Variants in CMC1 observed in about 807,000 individuals in gnomAD.
CMC1 encodes the protein COX assembly mitochondrial protein homolog.
Under a neutral mutation model 14.1 loss-of-function variants are expected in CMC1, and 14 were observed. The observed-to-expected ratio is 0.99, with a 90% CI of 0.66 to 1.55. The LOEUF is 1.55. Among genes scored for constraint, CMC1 ranks in the 40% most tolerant of loss-of-function variants. The pLI is 0.00. For synonymous variants in CMC1, 50 were observed against 38.4 expected (o/e 1.30, Z -1.12); for missense variants, 127 against 123.8 (o/e 1.03, Z -0.12).
At chr3:28,245,243 A>G (rs940153208) in intron 1 of CMC1, among the ~76,000 whole-genome samples, 4 of 152,200 alleles carry the variant, frequency 2.6e-5, no homozygotes, top group African/African-American at 9.7e-5. Flanking sequence ...GAAAAAATGC[A>G]GGTTACATGC....
chr3:28,297,991 C>A (rs1013976022), intron 2 of CMC1, among the ~76,000 whole-genome samples: 2 of 151,780 alleles, frequency 1.3e-5, no homozygotes, highest in African/African-American at 4.8e-5. Context: ...ATAAGAAAAC[C>A]AAACTGAGAT....
intron 2 of CMC1, among the ~76,000 whole-genome samples, chr3:28,268,555 A>G (rs1254832078): frequency 1.3e-5 from 2 of 152,158 alleles, no homozygotes; most frequent in African/African-American, 4.8e-5. Context: ...GTTCAGCATA[A>G]ATCATATTGT....
At chr3:28,271,034 G>A (rs977530546) in intron 2 of CMC1, among the ~76,000 whole-genome samples, 5 of 149,776 alleles carry the variant, frequency 3.3e-5, no homozygotes, top group Admixed American at 2.7e-4. Flanking sequence ...AGGTTCAAGC[G>A]ATTCTCCTGC....
Position 28,292,344 on chromosome 3 carries a change from T to G in CMC1, c.110-23989T>G, listed in dbSNP as rs184496667. Among the ~76,000 whole-genome samples the G allele has an allele frequency of 3.9e-5, 6 of 152,284 alleles. 1 individual carries two copies. The highest frequency in any genetic ancestry group is 8.8e-5 in the Non-Finnish European group (6 of 68,012). On this transcript the variant is annotated intron_variant, in intron 2 of 3. Transcript: ENST00000466830. ...GTTTTACCCAAAACTGTCTTCAATATCTTTTCAATTATTTTATTAGCATGA... is the reference window on the plus strand; with the variant it reads ...GTTTTACCCAAAACTGTCTTCAATAGCTTTTCAATTATTTTATTAGCATGA...
At chr3:28,313,306 A>G (rs553290077) in intron 2 of CMC1, among the ~76,000 whole-genome samples, 1 of 152,256 alleles carries the variant, frequency 6.6e-6, no homozygotes, top group East Asian at 1.9e-4. Context: ...CCTTTGAATA[A>G]CTTTTAACAA....
At chr3:28,271,573 G>C (rs1242462935) in intron 2 of CMC1, among the ~76,000 whole-genome samples, 1 of 152,102 alleles carries the variant, frequency 6.6e-6, no homozygotes, top group Non-Finnish European at 1.5e-5. Flanking sequence ...GTCTGTTTTT[G>C]TACCAGAACC....
At chr3:28,272,289 T>A (rs1252019467) in intron 2 of CMC1, among the ~76,000 whole-genome samples, 1 of 152,178 alleles carries the variant, frequency 6.6e-6, no homozygotes, top group African/African-American at 2.4e-5. Context: ...GGCATCTTTG[T>A]CTTATGTTTG....
At chr3:28,247,017 C>G (rs1361900308) in intron 1 of CMC1, among the ~76,000 whole-genome samples, 1 of 152,012 alleles carries the variant, frequency 6.6e-6, no homozygotes, top group African/African-American at 2.4e-5. Context: ...ATCGTTTGTA[C>G]TCTGTTAATG....
chr3:28,281,135 G>A (rs754286827), intron 2 of CMC1, among the ~76,000 whole-genome samples: 43 of 152,102 alleles, frequency 2.8e-4, no homozygotes, highest in African/African-American at 7.2e-4. Context: ...AACTAATTCC[G>A]TAAATTTATG....
intron 1 of CMC1, among the ~76,000 whole-genome samples, chr3:28,243,137 C>G (rs1227005930): frequency 6.6e-6 from 1 of 152,042 alleles, no homozygotes; most frequent in East Asian, 1.9e-4. Flanking sequence ...CTCACTGTAG[C>G]CTCCGCCTAC....
intron 1 of CMC1, among the ~76,000 whole-genome samples, chr3:28,246,429 AAACCAT>A (rs1396842471): frequency 6.6e-6 from 1 of 152,170 alleles, no homozygotes; most frequent in Non-Finnish European, 1.5e-5. Context: ...AATGATCTGT[AAACCAT>A]TTCAAGGATT....
chr3:28,284,965 C>A (rs1018680042), intron 2 of CMC1, among the ~76,000 whole-genome samples: 1 of 152,200 alleles, frequency 6.6e-6, no homozygotes, highest in African/African-American at 2.4e-5. Context: ...CTGTTGCACA[C>A]AAACTTCACC....
At chr3:28,309,013 T>C (rs919894417) in intron 2 of CMC1, among the ~76,000 whole-genome samples, 4 of 151,698 alleles carry the variant, frequency 2.6e-5, no homozygotes, top group African/African-American at 9.7e-5. Flanking sequence ...TAAATAAGCC[T>C]GCAAAACTAA....
rs1254612548 is a variant in CMC1 at position 28,321,301 on chromosome 3, T to C, written c.*1672T>C. Reference sequence around the variant, plus strand: ...TAGAGATAAATGAAAATGGAAGAGTTACTTTAAGAAGCTAGTGAAATATAC... The same window carrying C: ...TAGAGATAAATGAAAATGGAAGAGTCACTTTAAGAAGCTAGTGAAATATAC... On this transcript the variant is annotated 3_prime_UTR_variant, in exon 4 of 4. Coordinates refer to ENST00000466830, the MANE Select transcript of CMC1 (RefSeq NM_182523.2). 5 of 151,390 alleles carry C rather than the reference T, an allele frequency of 3.3e-5. No individual in the cohort carries two copies. In the Admixed American group the frequency reaches 3.3e-4, roughly 10 times the overall value. The allele number at this position is 151,390 out of a possible 1,614,324, so 9.4% of individuals were successfully genotyped here. A position where few individuals can be genotyped will look rare whatever the true frequency, so the allele number is the denominator to read the frequency against.
At chr3:28,285,553 G>A (rs1479057349) in intron 2 of CMC1, among the ~76,000 whole-genome samples, 1 of 151,950 alleles carries the variant, frequency 6.6e-6, no homozygotes, top group African/African-American at 2.4e-5. Flanking sequence ...GTGGGTAAGG[G>A]ATGAGAAATC....
intron 1 of CMC1, among the ~76,000 whole-genome samples, chr3:28,261,649 C>T (rs1334117789): frequency 6.6e-6 from 1 of 152,150 alleles, no homozygotes; most frequent in Non-Finnish European, 1.5e-5. Flanking sequence ...GATCAGGCCC[C>T]TCTGACCCAT....
intron 2 of CMC1, chr3:28,294,463 A>G: frequency 3.1e-6 from 3 of 977,176 alleles, no homozygotes; most frequent in South Asian, 9.5e-5. Flanking sequence ...AACATTGCAG[A>G]TGTTAGATGG....
chr3:28,258,321 A>G (rs1371173238), intron 1 of CMC1, among the ~76,000 whole-genome samples: 1 of 151,446 alleles, frequency 6.6e-6, no homozygotes, highest in Non-Finnish European at 1.5e-5. Context: ...CAAATTTATA[A>G]TTTGTATAAT....
intron 2 of CMC1, among the ~76,000 whole-genome samples, chr3:28,265,626 T>A (rs1201494990): frequency 6.6e-6 from 1 of 152,172 alleles, no homozygotes; most frequent in Non-Finnish European, 1.5e-5. Context: ...ATTTTTTTTT[T>A]AATGTCATTT....
Sources: gnomAD v4.1 joint callset for allele counts (sites outside exome capture counted in the v4.1 genomes callset) on GRCh38, gnomAD v4.1.1 for gene constraint, MANE v1.5 for transcripts, NCBI Gene and HGNC (gene_info 2026-07-23, HGNC 2026-07-21) for gene names.